The following PRMT8 variants were observed in gnomAD, a reference collection of about 807,000 sequenced individuals.
PRMT8 encodes protein arginine methyltransferase 8.
A neutral mutation model predicts 47.1 loss-of-function variants in PRMT8; 7 were observed. That is an observed-to-expected ratio of 0.15 (90% confidence interval 0.08 to 0.28). The LOEUF is 0.28. Ranked by LOEUF, PRMT8 falls within the 10% of genes least tolerant of loss-of-function variation. The pLI is 1.00. For missense variants in PRMT8, 237 were observed against 505.4 expected (o/e 0.47, Z 5.09); for synonymous variants, 188 against 186.5 (o/e 1.01, Z -0.07).
At chr12:3,397,780 C>T (rs1445298342) in intron 1 of PRMT8, among the ~76,000 whole-genome samples, 1 of 152,136 alleles carries the variant, frequency 6.6e-6, no homozygotes, top group African/African-American at 2.4e-5. Flanking sequence ...CTCAGCAAGC[C>T]CGGGCAATGG....
At chr12:3,405,360 G>A (rs377457141) in intron 1 of PRMT8, among the ~76,000 whole-genome samples, 9 of 152,276 alleles carry the variant, frequency 5.9e-5, no homozygotes, top group African/African-American at 2.2e-4. Flanking sequence ...TGAGATTTGG[G>A]TGGGGACACA....
chr12:3,459,715 G>T (rs1865019547), intron 1 of PRMT8, among the ~76,000 whole-genome samples: 2 of 152,094 alleles, frequency 1.3e-5, no homozygotes, highest in Non-Finnish European at 2.9e-5. Context: ...AGAAGGGCAG[G>T]GGGTTGGTTG....
rs1159987146 is a variant in PRMT8, at chr12:3,470,168, GT to G, written c.49-70435del. On this transcript the variant is annotated intron_variant, in intron 1 of 9. Coordinates refer to the PRMT8 transcript ENST00000452611. ...TTTTAAAGAAATATTGAAACCCCTG[GT>G]TTCAAATAGCAGGGAATGGGATGCT... Among the ~76,000 whole-genome samples the G allele has an allele frequency of 2.0e-5, 3 of 152,286 alleles. No individual in the cohort carries two copies. The East Asian group carries it at 5.8e-4, about 29-fold the overall frequency.
At chr12:3,432,203 A>G (rs1335607340) in intron 1 of PRMT8, among the ~76,000 whole-genome samples, 2 of 152,162 alleles carry the variant, frequency 1.3e-5, no homozygotes, top group African/African-American at 2.4e-5. Context: ...GAAGGCCACA[A>G]TCTGACAGGG....
chr12:3,471,710 A>G (rs564342155), intron 1 of PRMT8, among the ~76,000 whole-genome samples: 5 of 151,174 alleles, frequency 3.3e-5, no homozygotes, highest in African/African-American at 7.3e-5. Flanking sequence ...TCACATTCAC[A>G]CTTACTGAGA....
chr12:3,592,725 C>G (rs71458066), intron 9 of PRMT8, among the ~76,000 whole-genome samples: 4,407 of 152,246 alleles, frequency 0.029, 69 homozygotes, highest in East Asian at 0.038. Flanking sequence ...TGGCCTGGTG[C>G]GAGGGAGACT....
intron 1 of PRMT8, among the ~76,000 whole-genome samples, chr12:3,518,334 C>T (rs1287859088): frequency 6.6e-6 from 1 of 151,382 alleles, no homozygotes; most frequent in East Asian, 1.9e-4. Context: ...AGAGAAGCCT[C>T]TATGGGACAG....
intron 1 of PRMT8, among the ~76,000 whole-genome samples, chr12:3,529,601 A>G (rs988807944): frequency 1.3e-5 from 2 of 152,218 alleles, no homozygotes; most frequent in Non-Finnish European, 2.9e-5. Flanking sequence ...GAGTGGAAAT[A>G]TAATCATTTG....
chr12:3,520,876 G>A lies in PRMT8; in HGVS notation c.76-19730G>A, dbSNP rs545837984. ...AGCAAGGCCTAATAAATAGCAGGTGGAAAGATTTGGTATGTGGGGAACTGG... is the reference window on the plus strand; with the variant it reads ...AGCAAGGCCTAATAAATAGCAGGTGAAAAGATTTGGTATGTGGGGAACTGG... On this transcript the variant is annotated intron_variant, in intron 1 of 9. Transcript: ENST00000382622. 7.2e-5 allele frequency among the ~76,000 whole-genome samples: 11 copies of A among 152,306 alleles called. No individual in the cohort carries two copies. The South Asian group carries it at 2.3e-3, about 32-fold the overall frequency.
chr12:3,523,677 AG>A (rs1024851494), intron 1 of PRMT8, among the ~76,000 whole-genome samples: 2 of 152,254 alleles, frequency 1.3e-5, no homozygotes, highest in African/African-American at 4.8e-5. Flanking sequence ...CCTCAGGCAC[AG>A]GGTAGTTCTG....
rs1028361922 is a variant in PRMT8 at position 3,492,456 on chromosome 12, A to G, written c.75+756A>G. Among the ~76,000 whole-genome samples, 1 of 152,198 alleles carries G rather than the reference A, an allele frequency of 6.6e-6. No homozygotes were observed. The highest frequency in any genetic ancestry group is 2.4e-5 in the African/African-American group (1 of 41,456). Reference sequence around the variant, plus strand: ...GGGCTGCGCGCCGCCGGCTGCAGTGAGAAATGGGTCTGCAGCCACCCGTCC... The same window carrying G: ...GGGCTGCGCGCCGCCGGCTGCAGTGGGAAATGGGTCTGCAGCCACCCGTCC... On this transcript the variant is annotated intron_variant, in intron 1 of 9. Coordinates refer to ENST00000382622, the MANE Select transcript of PRMT8 (RefSeq NM_019854.5). This position sits in a 1 kb window ranked among gnomAD's most constrained non-coding sequence, Gnocchi z 7.5.
chr12:3,415,999 A>G lies in PRMT8; in HGVS notation c.48+34557A>G, dbSNP rs557153659. ...GATCTAGCCGGACCTTCTCAGGTAG[A>G]GGAATTGCCAGAGACATGGCTGTTG... On this transcript the variant is annotated intron_variant, in intron 1 of 9. Transcript: ENST00000452611. Among the ~76,000 whole-genome samples, 9 of 152,350 alleles carry G rather than the reference A, an allele frequency of 5.9e-5. No individual in the cohort carries two copies. In the Middle Eastern group the frequency reaches 0.01, roughly 173 times the overall value.
intron 1 of PRMT8, among the ~76,000 whole-genome samples, chr12:3,402,406 A>G (rs1864326633): frequency 6.6e-6 from 1 of 152,234 alleles, no homozygotes; most frequent in Non-Finnish European, 1.5e-5. Flanking sequence ...CATTCAGGAC[A>G]TAGGCAGGGG....
chr12:3,558,918 T>C (rs1866576329), intron 4 of PRMT8, among the ~76,000 whole-genome samples: 1 of 151,752 alleles, frequency 6.6e-6, no homozygotes, highest in Non-Finnish European at 1.5e-5. Flanking sequence ...CATGTAAATA[T>C]TTCATTATTC....
At chr12:3,498,734 TC>T (rs1403009235) in intron 1 of PRMT8, among the ~76,000 whole-genome samples, 2 of 152,178 alleles carry the variant, frequency 1.3e-5, no homozygotes, top group Non-Finnish European at 1.5e-5. Context: ...TACTAAAGTC[TC>T]CAGGACAGGA....
At chr12:3,487,881 A>C (rs1268691261), upstream of PRMT8, among the ~76,000 whole-genome samples, 2 of 152,218 alleles carry the variant, frequency 1.3e-5, no homozygotes, top group Non-Finnish European at 1.5e-5. Flanking sequence ...ACTGTCCCTT[A>C]GAATTAGAGG....
chr12:3,459,018 A>T (rs1865007599), intron 1 of PRMT8, among the ~76,000 whole-genome samples: 1 of 152,182 alleles, frequency 6.6e-6, no homozygotes, highest in Non-Finnish European at 1.5e-5. Flanking sequence ...TGTGGATATG[A>T]CGAGTGGGCA....
In PRMT8 at chr12:3,515,024, T is replaced by C. The variant is rs769016816; in HGVS notation, c.75+23324T>C. 7.3e-4 allele frequency among the ~76,000 whole-genome samples: 110 copies of C among 151,190 alleles called. 1 individual carries two copies. Among genetic ancestry groups the C allele is most frequent in the Non-Finnish European group, 1.3e-3 (91 of 67,920 alleles). On this transcript the variant is annotated intron_variant, in intron 1 of 9. Coordinates refer to ENST00000382622, the MANE Select transcript of PRMT8 (RefSeq NM_019854.5). ...CACTTTTCGAAGCTTTCTACATGAA[T>C]TCTGTCTTTTAAATCCTAAAAAAAT...
intron 1 of PRMT8, among the ~76,000 whole-genome samples, chr12:3,506,560 C>T (rs1199101383): frequency 6.6e-6 from 1 of 152,160 alleles, no homozygotes; most frequent in Non-Finnish European, 1.5e-5. Context: ...AACAGGGAGC[C>T]TCGTGACCCA....
Sources: allele counts gnomAD v4.1 joint callset (sites outside exome capture counted in the v4.1 genomes callset), GRCh38; gene constraint gnomAD v4.1.1; non-coding constraint Gnocchi (gnomAD v3.1); transcripts MANE v1.5; gene names NCBI Gene and HGNC (gene_info 2026-07-23, HGNC 2026-07-21).